Variants in CTNND1 observed in about 807,000 individuals in gnomAD.
CTNND1 encodes the protein catenin delta-1.
Under a neutral mutation model 112.1 loss-of-function variants are expected in CTNND1, and 16 were observed. The ratio of observed to expected loss-of-function variants is 0.14; its 90% CI spans 0.10 to 0.22. CTNND1 has a LOEUF of 0.22. CTNND1 is among the 10% of genes least tolerant of loss of function. The pLI is 1.00. For synonymous variants in CTNND1, 420 were observed against 446.5 expected (o/e 0.94, Z 0.75); for missense variants, 1,008 against 1,257.0 (o/e 0.80, Z 3.00).
intron 1 of CTNND1, among the ~76,000 whole-genome samples, chr11:57,778,645 G>T (rs1191792010): frequency 6.6e-6 from 1 of 152,224 alleles, no homozygotes; most frequent in African/African-American, 2.4e-5. Context: ...CAAAGTGGGG[G>T]CTCTGGCCCG....
At chr11:57,774,519 C>G (rs1480003494) in intron 1 of CTNND1, among the ~76,000 whole-genome samples, 1 of 152,088 alleles carries the variant, frequency 6.6e-6, no homozygotes, top group Non-Finnish European at 1.5e-5. Context: ...TAGATTCATG[C>G]TTTCAAAGAG....
At chr11:57,765,659 G>A (rs1950874874) in intron 1 of CTNND1, among the ~76,000 whole-genome samples, 1 of 151,496 alleles carries the variant, frequency 6.6e-6, no homozygotes, top group Admixed American at 6.6e-5. Context: ...GTGGAGATGG[G>A]GTCTCTCTAT....
intron 1 of CTNND1, among the ~76,000 whole-genome samples, chr11:57,775,688 G>T (rs80351879): frequency 3.9e-5 from 6 of 151,990 alleles, no homozygotes; most frequent in Admixed American, 2.0e-4. Flanking sequence ...AAAAGGAAGC[G>T]CTGGCTTCCT....
chr11:57,786,884 T>C (rs928972905), intron 1 of CTNND1, among the ~76,000 whole-genome samples: 2 of 152,212 alleles, frequency 1.3e-5, no homozygotes, highest in Non-Finnish European at 1.5e-5. Context: ...AGAAGAAAGC[T>C]CTCAAAGGTT....
chr11:57,806,227 T>TTGGTGG (rs55957781), intron 10 of CTNND1, among the ~76,000 whole-genome samples, 192 bp downstream of exon 10: 1 of 150,024 alleles, frequency 6.7e-6, no homozygotes, highest in African/African-American at 2.5e-5. Flanking sequence ...TTGTGATGTG[T>TTGGTGG]TGGTGGTGGT....
At chr11:57,770,552 C>A (rs1012343311) in intron 1 of CTNND1, among the ~76,000 whole-genome samples, 1 of 151,778 alleles carries the variant, frequency 6.6e-6, no homozygotes, top group Non-Finnish European at 1.5e-5. Context: ...CCTCAGGAGG[C>A]TGAGGCAGAA....
At chr11:57,816,090 C>A in intron 20 of CTNND1, 89 bp downstream of exon 20, 2 of 1,254,350 alleles carry the variant, frequency 1.6e-6, no homozygotes, top group Non-Finnish European at 1.1e-6. Flanking sequence ...TCTGATCAGG[C>A]CAGAGACTAA....
intron 2 of CTNND1, among the ~76,000 whole-genome samples, chr11:57,790,126 G>T (rs1434801677): frequency 6.6e-6 from 1 of 152,172 alleles, no homozygotes; most frequent in Non-Finnish European, 1.5e-5. Context: ...CTGTTGTCCA[G>T]CCTGGAGTGC....
rs76853373 is a variant in CTNND1, at chr11:57,771,022, G to A, written c.-214+8903G>A. Reference sequence around the variant, plus strand: ...CTGGGGCACAGTTGGCCTCTTGGATGTCTACCGTGCTGAAGGTCAGCCAAA... The same window carrying A: ...CTGGGGCACAGTTGGCCTCTTGGATATCTACCGTGCTGAAGGTCAGCCAAA... On this transcript the variant is annotated intron_variant, in intron 1 of 20. Coordinates refer to ENST00000399050, the MANE Select transcript of CTNND1 (RefSeq NM_001085458.2). Among the ~76,000 whole-genome samples the A allele has an allele frequency of 2.3e-3, 346 of 152,152 alleles. 1 individual carries two copies. The highest frequency in any genetic ancestry group is 8.1e-3 in the African/African-American group (334 of 41,486).
rs1565322351 is a variant in CTNND1, at chr11:57,791,502, G to GACC, written c.25_27dup (p.Thr9dup). ...TCATGGACGACTCAGAGGTGGAGTC[G>GACC]ACCGCCAGCATCTTGGCCTCTGTGA... On this transcript the variant is annotated inframe_insertion, in exon 3 of 21. Transcript: ENST00000399050. 1 of 1,564,446 alleles carries GACC rather than the reference G, an allele frequency of 6.4e-7. No individual in the cohort carries two copies. Among genetic ancestry groups the GACC allele is most frequent in the Non-Finnish European group, 8.7e-7 (1 of 1,154,788 alleles).
intron 3 of CTNND1, among the ~76,000 whole-genome samples, chr11:57,792,410 T>G (rs1369257966): frequency 6.6e-6 from 1 of 152,248 alleles, no homozygotes; most frequent in Non-Finnish European, 1.5e-5. Flanking sequence ...TTTGTCTGTC[T>G]TCCTCTGTGT....
chr11:57,813,334 A>T (rs533107584), intron 17 of CTNND1, among the ~76,000 whole-genome samples: 8 of 152,206 alleles, frequency 5.3e-5, no homozygotes, highest in Non-Finnish European at 1.2e-4. Flanking sequence ...CAAAAAATAC[A>T]TGATTAAAAT....
intron 16 of CTNND1, among the ~76,000 whole-genome samples, chr11:57,810,612 A>G (rs1413857875): frequency 6.6e-6 from 1 of 152,020 alleles, no homozygotes; most frequent in Admixed American, 6.5e-5. Flanking sequence ...GGCATGAGCC[A>G]TCACACCTGG....
At chr11:57,792,389 C>G (rs2060841288) in intron 3 of CTNND1, among the ~76,000 whole-genome samples, 1 of 152,142 alleles carries the variant, frequency 6.6e-6, no homozygotes, top group South Asian at 2.1e-4. Flanking sequence ...GTGATGTAAT[C>G]TGTCTGAGGT....
At chr11:57,783,940 T>C (rs1255200882) in intron 1 of CTNND1, among the ~76,000 whole-genome samples, 1 of 152,016 alleles carries the variant, frequency 6.6e-6, no homozygotes, top group Non-Finnish European at 1.5e-5. Flanking sequence ...CGTATTTATT[T>C]TTGAGACAGG....
Position 57,808,283 on chromosome 11 carries a change from G to A in CTNND1, c.2082G>A (p.Gly694=). 2 of 1,611,334 alleles carry A rather than the reference G, an allele frequency of 1.2e-6. No homozygotes were observed. Among genetic ancestry groups the A allele is most frequent in the Non-Finnish European group, 1.7e-6 (2 of 1,177,610 alleles). Residue 694 remains glycine, a synonymous_variant, in exon 13 of 21, where the codon GGG becomes GGA. Coordinates refer to ENST00000399050, the MANE Select transcript of CTNND1 (RefSeq NM_001085458.2). The part of the protein sequence containing the change: ...SAGAIQNLCA[G]RWTYGRYIRS... Reference sequence around the variant, plus strand: ...GAGCTATCCAGAACTTGTGTGCTGGGCGCTGGACGGTACCTTTTAGAAAAG... The same window carrying A: ...GAGCTATCCAGAACTTGTGTGCTGGACGCTGGACGGTACCTTTTAGAAAAG...
chr11:57,812,093 A>G (rs2063428840), intron 17 of CTNND1, among the ~76,000 whole-genome samples: 2 of 152,360 alleles, frequency 1.3e-5, no homozygotes, highest in African/African-American at 4.8e-5. Flanking sequence ...CTGATGGCAC[A>G]GAAAGCAGTG....
chr11:57,783,484 C>T lies in CTNND1; in HGVS notation c.-213-5553C>T, dbSNP rs544487092. Among the ~76,000 whole-genome samples, 4 of 151,996 alleles carry T rather than the reference C, an allele frequency of 2.6e-5. 1 individual carries two copies. On this transcript the variant is annotated intron_variant, in intron 1 of 20. Coordinates refer to ENST00000399050, the MANE Select transcript of CTNND1 (RefSeq NM_001085458.2). ...ACCATCCTGGCTAACACGGTGAAACCCCGTCTCTACTAAAAATACAAAAAA... is the reference window on the plus strand; with the variant it reads ...ACCATCCTGGCTAACACGGTGAAACTCCGTCTCTACTAAAAATACAAAAAA...
intron 1 of CTNND1, among the ~76,000 whole-genome samples, chr11:57,778,120 C>A (rs941538309): frequency 6.6e-6 from 1 of 152,040 alleles, no homozygotes; most frequent in African/African-American, 2.4e-5. Context: ...CTGTGCAATT[C>A]CTAGTGGTTG....
Sources: allele counts gnomAD v4.1 joint callset (sites outside exome capture counted in the v4.1 genomes callset), GRCh38; gene constraint gnomAD v4.1.1; transcripts MANE v1.5; gene names NCBI Gene and HGNC (gene_info 2026-07-23, HGNC 2026-07-21).